The following SIRPG variants were observed in gnomAD, a reference collection of about 807,000 sequenced individuals.
SIRPG encodes the protein signal-regulatory protein gamma.
In SIRPG, 38 loss-of-function variants were observed where a neutral mutation model predicts 35.7. The observed-to-expected ratio is 1.06, with a 90% CI of 0.82 to 1.40. The LOEUF (loss-of-function observed/expected upper bound fraction) is 1.40. SIRPG is among the 40% of genes most tolerant of loss of function. The pLI, the probability that SIRPG is intolerant of heterozygous loss-of-function variation, is 0.00. For synonymous variants in SIRPG, 215 were observed against 190.4 expected (o/e 1.13, Z -1.06); for missense variants, 519 against 483.0 (o/e 1.07, Z -0.70).
At chr20:1,663,978 C>G in the SIRPG span, among the ~76,000 whole-genome samples, 2 of 152,204 alleles carry the variant, frequency 1.3e-5, no homozygotes, top group African/African-American at 4.8e-5. Flanking sequence ...AGCATGGTGT[C>G]AGCATCTGCT....
At chr20:1,634,839 C>T (rs377472849) in intron 4 of SIRPG, among the ~76,000 whole-genome samples, 6 of 151,608 alleles carry the variant, frequency 4.0e-5, no homozygotes, top group Non-Finnish European at 7.4e-5. Flanking sequence ...GTCAGGAGAT[C>T]GAGACCATCC....
At position 1,649,121 on chromosome 20, in the gene SIRPG, T is replaced by G. The variant is rs1167335814; in HGVS notation, c.361A>C (p.Lys121Gln). 6.2e-7 allele frequency: 1 copy of G among 1,613,954 alleles called. No homozygotes were observed. The highest frequency in any genetic ancestry group is 1.1e-5 in the South Asian group (1 of 91,072). ...PADVGTYYCV[K>Q]FRKGSPENVE... ...TTCTCAGGGCTCCCTTTTCGAAACT[T>G]CACACAGTAGTATGTGCCGACATCT... Residue 121 changes from lysine to glutamine, a missense_variant, in exon 2 of 6, where the codon AAG becomes CAG. Coordinates refer to ENST00000303415, the MANE Select transcript of SIRPG (RefSeq NM_018556.4).
the SIRPG span, chr20:1,671,106 G>A: frequency 2.3e-6 from 1 of 429,752 alleles, no homozygotes; most frequent in Non-Finnish European, 4.7e-6. Flanking sequence ...TGTTTCAGGG[G>A]GAGAAGCCGT....
At chr20:1,632,051 G>A (rs145845079) in intron 4 of SIRPG, among the ~76,000 whole-genome samples, 1 of 152,252 alleles carries the variant, frequency 6.6e-6, no homozygotes, top group Non-Finnish European at 1.5e-5. Context: ...TCACAGAGGA[G>A]GATGAATCTC....
At chr20:1,631,015 C>T (rs563792394) in intron 4 of SIRPG, among the ~76,000 whole-genome samples, 3 of 152,266 alleles carry the variant, frequency 2.0e-5, no homozygotes, top group South Asian at 2.1e-4. Context: ...ACCTCCACCC[C>T]AGTGCAGGTG....
At chr20:1,659,280 C>T (rs377564794), upstream of SIRPG, among the ~76,000 whole-genome samples, 9 of 152,322 alleles carry the variant, frequency 5.9e-5, no homozygotes, top group African/African-American at 1.9e-4. Flanking sequence ...GTTTTAGGTT[C>T]TTAATCTGTC....
chr20:1,630,195 G>C, intron 5 of SIRPG, 27 bp downstream of exon 5: 6 of 1,513,766 alleles, frequency 4.0e-6, no homozygotes, highest in Non-Finnish European at 5.4e-6. Flanking sequence ...GACAGCCCTT[G>C]GTCTGTCCTC....
chr20:1,635,309 C>T lies in SIRPG; in HGVS notation c.1039G>A (p.Val347Ile). 6.2e-7 allele frequency: 1 copy of T among 1,614,100 alleles called. No homozygotes were observed. The highest frequency in any genetic ancestry group is 8.5e-7 in the Non-Finnish European group (1 of 1,179,980). Residue 347 changes from valine to isoleucine, a missense_variant, in exon 4 of 6, where the codon GTC (valine) becomes ATC (isoleucine). Physicochemically the swap from Val to Ile is conservative, Grantham distance 29. Transcript: ENST00000303415. Reference sequence around the variant, plus strand: ...CTCTGGTCCTTCTGGTGGACTGTGACCTCTAGGGCAAGGCGTTTGCTGACC... The same window carrying T: ...CTCTGGTCCTTCTGGTGGACTGTGATCTCTAGGGCAAGGCGTTTGCTGACC... Reference protein sequence around the residue: ...LAVSKRLALEVTVHQKDQSSD... With the variant: ...LAVSKRLALEITVHQKDQSSD...
At chr20:1,629,983 A>G (rs73080747) in intron 5 of SIRPG, among the ~76,000 whole-genome samples, 3,617 of 152,318 alleles carry the variant, frequency 0.024, 65 homozygotes, top group Middle Eastern at 0.044. Flanking sequence ...CACTGCCTCC[A>G]TGAAACTCCT....
At chr20:1,674,697 C>A in the SIRPG span, among the ~76,000 whole-genome samples, 1 of 152,184 alleles carries the variant, frequency 6.6e-6, no homozygotes, top group East Asian at 1.9e-4. Flanking sequence ...GCATGATTAT[C>A]AGCATTGCAC....
chr20:1,667,536 G>A, the SIRPG span, among the ~76,000 whole-genome samples: 4 of 152,310 alleles, frequency 2.6e-5, no homozygotes, highest in African/African-American at 9.6e-5. Flanking sequence ...CAGAATAGAT[G>A]GTACCTCCTG....
At chr20:1,639,960 G>A (rs1260991103) in intron 2 of SIRPG, among the ~76,000 whole-genome samples, 5 of 152,118 alleles carry the variant, frequency 3.3e-5, no homozygotes, top group African/African-American at 7.2e-5. Flanking sequence ...TGAGGTCTCC[G>A]TTCTGTTCCA....
chr20:1,630,070 G>A (rs913229361), intron 5 of SIRPG, among the ~76,000 whole-genome samples, 152 bp downstream of exon 5: 6 of 152,172 alleles, frequency 3.9e-5, no homozygotes, highest in Non-Finnish European at 7.4e-5. Context: ...TGTGGGTTGG[G>A]AGCCTTTTAA....
intron 1 of SIRPG, among the ~76,000 whole-genome samples, chr20:1,656,410 G>A (rs183250444): frequency 6.6e-6 from 1 of 152,312 alleles, no homozygotes; most frequent in Admixed American, 6.5e-5. Flanking sequence ...GCTAAGAAGT[G>A]CATCTGCCTT....
At chr20:1,683,637 A>T in the SIRPG span, among the ~76,000 whole-genome samples, 1 of 152,170 alleles carries the variant, frequency 6.6e-6, no homozygotes, top group Non-Finnish European at 1.5e-5. Flanking sequence ...GCACAGAAAG[A>T]CAAATACCAC....
At position 1,630,296 on chromosome 20, in the gene SIRPG, T is replaced by C; in HGVS notation, c.1092A>G (p.Ser364=). Residue 364 remains serine (S), a synonymous_variant, in exon 5 of 6, where the codon TCA becomes TCG. Coordinates refer to ENST00000303415, the MANE Select transcript of SIRPG (RefSeq NM_018556.4). Reference sequence around the variant, plus strand: ...CTATGAGGAGCAGCGCAGTAAGGGATGATGCCGGGCCTGGAAATCAGGGAA... The same window carrying C: ...CTATGAGGAGCAGCGCAGTAAGGGACGATGCCGGGCCTGGAAATCAGGGAA... ...QSSDATPGPA[S]SLTALLLIAV... 1 of 1,561,640 alleles carries C rather than the reference T, an allele frequency of 6.4e-7. No homozygotes were observed. The highest frequency in any genetic ancestry group is 1.4e-5 in the African/African-American group (1 of 73,928).
the SIRPG span, among the ~76,000 whole-genome samples, chr20:1,673,290 C>T: frequency 3.5e-3 from 533 of 152,200 alleles, 3 homozygotes; most frequent in African/African-American, 0.012. Flanking sequence ...CCCTCTATAC[C>T]TCTCTTTAAT....
chr20:1,665,989 C>T, the SIRPG span, among the ~76,000 whole-genome samples: 68 of 151,966 alleles, frequency 4.5e-4, 1 homozygote, highest in South Asian at 2.1e-4. Context: ...CAGCTCTAGG[C>T]GGGTTATGGC....
At chr20:1,675,252 A>T in the SIRPG span, among the ~76,000 whole-genome samples, 100 of 152,246 alleles carry the variant, frequency 6.6e-4, 1 homozygote, top group South Asian at 6.2e-3. Flanking sequence ...GCTGGGCTGC[A>T]GGAGGCCCGA....
Sources: allele counts gnomAD v4.1 joint callset (sites outside exome capture counted in the v4.1 genomes callset), GRCh38; gene constraint gnomAD v4.1.1; transcripts MANE v1.5; gene names NCBI Gene and HGNC (gene_info 2026-07-23, HGNC 2026-07-21).